Variants in ADAMTSL2 observed in about 807,000 individuals in gnomAD.
ADAMTSL2 encodes ADAMTS like 2.
Under a neutral mutation model 117.0 loss-of-function variants are expected in ADAMTSL2, and 55 were observed. The observed-to-expected ratio is 0.47, with a 90% CI of 0.38 to 0.59. ADAMTSL2 has a LOEUF of 0.59. Among genes scored for constraint, ADAMTSL2 ranks in the 20% least tolerant of loss-of-function variants. The pLI is 0.00. For missense variants in ADAMTSL2, 1,182 were observed against 1,354.5 expected (o/e 0.87, Z 2.00); for synonymous variants, 572 against 566.4 (o/e 1.01, Z -0.14).
At chr9:133,552,103 C>G (rs536834397) in intron 9 of ADAMTSL2, among the ~76,000 whole-genome samples, 1 of 152,192 alleles carries the variant, frequency 6.6e-6, no homozygotes, top group South Asian at 2.1e-4. Context: ...GCTGGGATTA[C>G]AGGCGTGAGC....
intron 9 of ADAMTSL2, among the ~76,000 whole-genome samples, chr9:133,549,247 G>C (rs1319876668): frequency 0.017 from 93 of 5,502 alleles, 39 homozygotes; most frequent in African/African-American, 0.042. Context: ...CTCGTGATCC[G>C]CCCGCCTCGG....
chr9:133,534,948 T>C lies in ADAMTSL2; in HGVS notation c.-151+31T>C, dbSNP rs901528442. 6.6e-6 allele frequency: 9 copies of C among 1,371,412 alleles called. No homozygotes were observed. In the African/African-American group the frequency reaches 1.1e-4, roughly 16 times the overall value. 85.0% of individuals were successfully genotyped at this position (1,371,412 alleles called of 1,614,324 possible). ...CCACCTCGTCCCCGTCCCCCTCACGTTGCAGCGTCCACCAGGCCAGCCCAC... is the reference window on the plus strand; with the variant it reads ...CCACCTCGTCCCCGTCCCCCTCACGCTGCAGCGTCCACCAGGCCAGCCCAC... On this transcript the variant is annotated intron_variant, in intron 1 of 18. Transcript: ENST00000651351.
intron 11 of ADAMTSL2, among the ~76,000 whole-genome samples, chr9:133,560,978 A>G (rs1471807782): frequency 6.6e-6 from 1 of 152,232 alleles, no homozygotes; most frequent in Non-Finnish European, 1.5e-5. Context: ...AACAATGCCA[A>G]TCAATCCTAA....
chr9:133,544,810 G>T (rs1452434686), intron 8 of ADAMTSL2, among the ~76,000 whole-genome samples: 2 of 152,174 alleles, frequency 1.3e-5, no homozygotes, highest in African/African-American at 4.8e-5. Context: ...TGGTGATGTT[G>T]GGTGGTGAGC....
intron 17 of ADAMTSL2, among the ~76,000 whole-genome samples, chr9:133,572,382 G>A (rs1362945854): frequency 6.6e-6 from 1 of 152,196 alleles, no homozygotes; most frequent in Admixed American, 6.5e-5. Flanking sequence ...CTTTTGCCGG[G>A]AGTCAGCTGG....
intron 12 of ADAMTSL2, 71 bp from the exon 13 acceptor site, chr9:133,566,865 G>A: frequency 6.4e-7 from 1 of 1,557,746 alleles, no homozygotes; most frequent in Non-Finnish European, 8.7e-7. Flanking sequence ...CTTGCCCCAA[G>A]TCCTGAGGCC....
At position 133,538,539 on chromosome 9, in the gene ADAMTSL2, C is replaced by T. The variant is rs1351736527; in HGVS notation, c.309+115C>T. The T allele has an allele frequency of 4.1e-6, 5 of 1,233,784 alleles. No individual in the cohort carries two copies. The East Asian group carries it at 7.2e-5, about 18-fold the overall frequency. 76.4% of individuals were successfully genotyped at this position (1,233,784 alleles called of 1,614,324 possible). A position where few individuals can be genotyped will look rare whatever the true frequency, so the allele number is the denominator to read the frequency against. On this transcript the variant is annotated intron_variant, in intron 4 of 18. Transcript: ENST00000651351. ...TCTGGGCATTCTGTTGTGGGCTGCT[C>T]TTCAAGGAGAGCCCAGGAGCAGGGT... is the stretch of plus-strand genomic sequence containing the variant.
At position 133,554,549 on chromosome 9, in the gene ADAMTSL2, C is replaced by T. The variant is rs1375334333; in HGVS notation, c.1132C>T (p.Arg378Trp). Residue 378 changes from arginine to tryptophan, a missense_variant, in exon 10 of 19, where the codon CGG becomes TGG. Arg to Trp is a moderately radical substitution (Grantham distance 101, BLOSUM62 -3). Transcript: ENST00000651351. The surrounding 1 kb of genome is among the most constrained non-coding windows in gnomAD (Gnocchi z 5.2). ...CCTCTACGGCCAGGCCTCCTCAGAG[C>T]GGCTGGGCCTGGACAACCGGCTGTT... ...GSLYGQASSE[R>W]LGLDNRLFGH... The T allele has an allele frequency of 3.1e-5, 48 of 1,548,510 alleles. No homozygotes were observed. Among genetic ancestry groups the T allele is most frequent in the Non-Finnish European group, 3.8e-5 (44 of 1,147,134 alleles).
Position 133,536,549 on chromosome 9 carries a change from A to G in ADAMTSL2, c.-150-14A>G. 2.6e-6 allele frequency: 4 copies of G among 1,550,710 alleles called. No homozygotes were observed. The highest frequency in any genetic ancestry group is 3.5e-6 in the Non-Finnish European group (4 of 1,144,144). On this transcript the variant is annotated splice_polypyrimidine_tract_variant and intron_variant, in intron 1 of 18. Transcript: ENST00000651351. ...AAGCCTAGACTGAGGCGGGGGGTTC[A>G]TCCTTCCCAACAGGGTCTGCCAGAC...
intron 8 of ADAMTSL2, among the ~76,000 whole-genome samples, chr9:133,544,801 G>A (rs1830310454): frequency 6.6e-6 from 1 of 152,166 alleles, no homozygotes; most frequent in African/African-American, 2.4e-5. Flanking sequence ...ATGGGAGGGT[G>A]GTGATGTTGG....
At chr9:133,539,666 C>CTGTCCCGGT in intron 4 of ADAMTSL2, 105 bp from the exon 5 acceptor site, 1 of 1,146,404 alleles carries the variant, frequency 8.7e-7, no homozygotes, top group Non-Finnish European at 1.3e-6. Flanking sequence ...GCTGTCCCGG[C>CTGTCCCGGT]TGTCCCGGCT....
chr9:133,574,715 T>C, intron 18 of ADAMTSL2, 31 bp from the exon 19 acceptor site: 2 of 1,601,354 alleles, frequency 1.2e-6, no homozygotes, highest in South Asian at 2.2e-5. Flanking sequence ...CTCCTGAAAC[T>C]GCCCTGCTTC....
intron 9 of ADAMTSL2, among the ~76,000 whole-genome samples, chr9:133,549,730 A>G (rs1830439632): frequency 6.6e-6 from 1 of 151,926 alleles, no homozygotes; most frequent in South Asian, 2.1e-4. Context: ...CAGGACGGCC[A>G]CTCGTTTCCA....
In ADAMTSL2 at chr9:133,554,589, T is replaced by C. The variant is rs1242069451; in HGVS notation, c.1172T>C (p.Leu391Pro). The C allele has an allele frequency of 6.5e-7, 1 of 1,548,316 alleles. No homozygotes were observed. Among genetic ancestry groups the C allele is most frequent in the Admixed American group, 2.0e-5 (1 of 51,080 alleles). The change falls in exon 10 of 19, where the codon CTG becomes CCG. Residue 391 changes from leucine (L) to proline (P), a missense_variant. By Grantham distance (98) the Leu-to-Pro change is moderately conservative. Around this residue, in one of 3 missense-constraint regions of ADAMTSL2, gnomAD observed 345 missense variants for 325.8 expected, o/e 1.06. Transcript: ENST00000651351. This position sits in a 1 kb window ranked among gnomAD's most constrained non-coding sequence, Gnocchi z 5.2. ...AACCGGCTGTTCGGCCACCCGGGCC[T>C]GGACATGGAGCTGGGCCCCAGCCAG... ...LDNRLFGHPGLDMELGPSQGQ... is the reference protein window; with the variant it reads ...LDNRLFGHPGPDMELGPSQGQ...
At chr9:133,539,686 G>GTCCCGGCTGTCCCGGCTGT (rs1554810799) in intron 4 of ADAMTSL2, 85 bp from the exon 5 acceptor site, 2,046 of 1,305,880 alleles carry the variant, frequency 1.6e-3, no homozygotes, top group Admixed American at 2.6e-3. Context: ...TGTCCCGGCT[G>GTCCCGGCTGTCCCGGCTGT]CAGCCACTTC....
chr9:133,539,686 G>GTCCCGGCTGTCCCGGCTGTCCCGGCTT, intron 4 of ADAMTSL2, 85 bp from the exon 5 acceptor site: 5 of 1,305,778 alleles, frequency 3.8e-6, no homozygotes, highest in Non-Finnish European at 3.2e-6. Context: ...TGTCCCGGCT[G>GTCCCGGCTGTCCCGGCTGTCCCGGCTT]CAGCCACTTC....
rs1276133405 is a variant in ADAMTSL2 at position 133,538,391 on chromosome 9, C to T, written c.276C>T (p.Gly92=). Reference sequence around the variant, plus strand: ...GCCCCGGGAACAGGACCTGCACGGGCACGTCCAAGCGGTACCAGCTCTGCA... The same window carrying T: ...GCCCCGGGAACAGGACCTGCACGGGTACGTCCAAGCGGTACCAGCTCTGCA... The part of the protein sequence containing the change: ...VPGPGNRTCT[G]TSKRYQLCRV... Residue 92 remains glycine, a synonymous_variant, in exon 4 of 19, where the codon GGC becomes GGT. Coordinates refer to ENST00000651351, the MANE Select transcript of ADAMTSL2 (RefSeq NM_014694.4). The T allele has an allele frequency of 1.2e-6, 2 of 1,613,190 alleles. No individual in the cohort carries two copies. The highest frequency in any genetic ancestry group is 1.3e-5 in the African/African-American group (1 of 74,958).
At chr9:133,538,246 G>T in intron 3 of ADAMTSL2, 103 bp from the exon 4 acceptor site, 1 of 1,372,742 alleles carries the variant, frequency 7.3e-7, no homozygotes, top group Non-Finnish European at 1.0e-6. Flanking sequence ...TCTGGGTCAC[G>T]GGTATCGGGA....
intron 1 of ADAMTSL2, among the ~76,000 whole-genome samples, chr9:133,535,451 G>C (rs1830029595): frequency 6.6e-6 from 1 of 152,278 alleles, no homozygotes; most frequent in South Asian, 2.1e-4. Context: ...CGTCGTCCGG[G>C]CTGCAGTGGT....
Sources: allele counts gnomAD v4.1 joint callset (sites outside exome capture counted in the v4.1 genomes callset), GRCh38; gene constraint gnomAD v4.1.1; regional missense constraint gnomAD v4.1.1; non-coding constraint Gnocchi (gnomAD v3.1); transcripts MANE v1.5; gene names NCBI Gene and HGNC (gene_info 2026-07-23, HGNC 2026-07-21).